RIC8B: variants seen among roughly 807,000 people sequenced by gnomAD.
The protein encoded by RIC8B is RIC8 guanine nucleotide exchange factor B, also known as chaperone Ric-8B.
Under a neutral mutation model 57.5 loss-of-function variants are expected in RIC8B, and 16 were observed. The ratio of observed to expected loss-of-function variants is 0.28; its 90% CI spans 0.19 to 0.42. RIC8B has a LOEUF of 0.42. RIC8B is among the 10% of genes least tolerant of loss of function. The probability of loss-of-function intolerance (pLI) is 1.00; values close to 1 mark genes in which losing one functional copy is unlikely to be tolerated. For synonymous variants in RIC8B, 216 were observed against 250.8 expected (o/e 0.86, Z 1.31); for missense variants, 481 against 677.0 (o/e 0.71, Z 3.21).
chr12:106,858,196 T>C (rs553599527), intron 7 of RIC8B, among the ~76,000 whole-genome samples: 156 of 152,336 alleles, frequency 1.0e-3, no homozygotes, highest in Non-Finnish European at 1.5e-3. Flanking sequence ...TTGTGTCTTT[T>C]TAAATTATTG....
chr12:106,794,573 A>G (rs1046919514), intron 2 of RIC8B, among the ~76,000 whole-genome samples: 23 of 152,220 alleles, frequency 1.5e-4, no homozygotes, highest in Admixed American at 3.3e-4. Context: ...GGGAAGGTCA[A>G]TAAGATTCAC....
At chr12:106,875,946 GT>G (rs958190905) in intron 9 of RIC8B, among the ~76,000 whole-genome samples, 1 of 149,844 alleles carries the variant, frequency 6.7e-6, no homozygotes, top group Admixed American at 6.7e-5. Flanking sequence ...CAAATACATA[GT>G]TTTTTCTTAA....
At chr12:106,885,825 G>A in intron 9 of RIC8B, 79 bp from the exon 10 acceptor site, 1 of 864,270 alleles carries the variant, frequency 1.2e-6, no homozygotes. Context: ...AAAAGGTTGT[G>A]GATTTGGGTG....
chr12:106,839,682 G>C (rs575541655), intron 4 of RIC8B, among the ~76,000 whole-genome samples: 1 of 152,184 alleles, frequency 6.6e-6, no homozygotes, highest in Non-Finnish European at 1.5e-5. Flanking sequence ...TAGGTCTTAC[G>C]TTAAGTGCTC....
rs1407323645 is a variant in RIC8B at position 106,887,712 on chromosome 12, CTAGA to C, written c.*1701_*1704del. The C allele has an allele frequency of 3.3e-5, 5 of 152,184 alleles. No individual in the cohort carries two copies. The East Asian group carries it at 7.7e-4, about 23-fold the overall frequency. 9.4% of individuals were successfully genotyped at this position (152,184 alleles called of 1,614,324 possible). A position where few individuals can be genotyped will look rare whatever the true frequency, so the allele number is the denominator to read the frequency against. On this transcript the variant is annotated 3_prime_UTR_variant, in exon 10 of 10. Transcript: ENST00000392837. The stretch of plus-strand genomic sequence containing the variant: ...AAAGAAGAAAAAGGCCAACTGAAAA[CTAGA>C]TAGTGAGATGAGAAGAATAAAACTT...
intron 3 of RIC8B, among the ~76,000 whole-genome samples, chr12:106,823,707 G>A (rs1220223566): frequency 2.7e-5 from 4 of 147,938 alleles, no homozygotes; most frequent in African/African-American, 1.0e-4. Flanking sequence ...TTTTTGAGAC[G>A]GAGTTTAGCT....
intron 7 of RIC8B, among the ~76,000 whole-genome samples, chr12:106,853,240 C>A (rs892151110): frequency 6.6e-6 from 1 of 151,566 alleles, no homozygotes. Context: ...TAAATAATTT[C>A]TAAATGTAAT....
chr12:106,851,569 C>A lies in RIC8B; in HGVS notation c.1281C>A (p.Phe427Leu). 1 of 1,612,480 alleles carries A rather than the reference C, an allele frequency of 6.2e-7. No individual in the cohort carries two copies. The highest frequency in any genetic ancestry group is 8.5e-7 in the Non-Finnish European group (1 of 1,179,860). Residue 427 changes from phenylalanine to leucine, a missense_variant, in exon 7 of 10, where the codon TTC (phenylalanine) becomes TTA (leucine). By Grantham distance (22) the Phe-to-Leu change is conservative. Coordinates refer to ENST00000392837, the MANE Select transcript of RIC8B (RefSeq NM_001330145.2). ...DLGVKQIAAE[F>L]LFVLCKERVD... Reference sequence around the variant, plus strand: ...GAGTCAAGCAAATTGCTGCTGAATTCCTTTTTGTCCTTTGCAAAGAGAGAG... The same window carrying A: ...GAGTCAAGCAAATTGCTGCTGAATTACTTTTTGTCCTTTGCAAAGAGAGAG...
intron 3 of RIC8B, among the ~76,000 whole-genome samples, chr12:106,815,792 G>T (rs772597643): frequency 1.1e-4 from 16 of 152,176 alleles, no homozygotes; most frequent in Non-Finnish European, 1.5e-4. Context: ...TCTCTGGGAG[G>T]TTTCTCTGTA....
At chr12:106,782,702 C>G (rs1000023082) in intron 1 of RIC8B, among the ~76,000 whole-genome samples, 4 of 152,200 alleles carry the variant, frequency 2.6e-5, no homozygotes, top group Non-Finnish European at 5.9e-5. Flanking sequence ...TCCCTCTGAT[C>G]ATTTCTTACA....
chr12:106,776,526 T>G (rs2043496581), intron 1 of RIC8B, among the ~76,000 whole-genome samples: 1 of 152,206 alleles, frequency 6.6e-6, no homozygotes, highest in Non-Finnish European at 1.5e-5. Flanking sequence ...AGGAAAAACC[T>G]TCAACTGGAT....
At chr12:106,844,755 A>C (rs1340189851) in intron 6 of RIC8B, among the ~76,000 whole-genome samples, 2 of 152,238 alleles carry the variant, frequency 1.3e-5, no homozygotes, top group Non-Finnish European at 2.9e-5. Context: ...TAGAGTTCAT[A>C]CTTGGGGATA....
At chr12:106,838,777 T>C (rs1370037305) in intron 4 of RIC8B, among the ~76,000 whole-genome samples, 2 of 151,850 alleles carry the variant, frequency 1.3e-5, no homozygotes, top group Non-Finnish European at 2.9e-5. Flanking sequence ...TTTCAATCCA[T>C]ATACCTCAAG....
intron 8 of RIC8B, among the ~76,000 whole-genome samples, chr12:106,860,989 C>A (rs1255915953): frequency 1.5e-5 from 2 of 136,130 alleles, no homozygotes; most frequent in African/African-American, 5.9e-5. Flanking sequence ...TCTGTGAAGT[C>A]TTCTCTGAGT....
intron 8 of RIC8B, among the ~76,000 whole-genome samples, chr12:106,864,280 C>T (rs1172891502): frequency 6.6e-6 from 1 of 152,198 alleles, no homozygotes; most frequent in East Asian, 1.9e-4. Context: ...ATGAAGATTA[C>T]ACATGCATCT....
At chr12:106,856,156 C>T (rs1197002391) in intron 7 of RIC8B, among the ~76,000 whole-genome samples, 1 of 152,142 alleles carries the variant, frequency 6.6e-6, no homozygotes, top group Admixed American at 6.5e-5. Context: ...CATCTTAGTG[C>T]AGACCCTTAA....
At chr12:106,853,430 C>T (rs536928734) in intron 7 of RIC8B, among the ~76,000 whole-genome samples, 1 of 132,214 alleles carries the variant, frequency 7.6e-6, no homozygotes, top group Admixed American at 7.8e-5. Context: ...TTTAATTTGA[C>T]CTCAACAATT....
chr12:106,816,952 G>T (rs918780898), intron 3 of RIC8B, among the ~76,000 whole-genome samples: 3 of 152,160 alleles, frequency 2.0e-5, no homozygotes, highest in African/African-American at 7.2e-5. Context: ...CCTAGTACCT[G>T]TTGTGAGTCA....
At chr12:106,848,167 A>G (rs955401630) in intron 6 of RIC8B, among the ~76,000 whole-genome samples, 4 of 152,212 alleles carry the variant, frequency 2.6e-5, no homozygotes, top group African/African-American at 9.6e-5. Context: ...AGAGCCATGC[A>G]AGTTTCTAGA....
Sources: allele counts gnomAD v4.1 joint callset (sites outside exome capture counted in the v4.1 genomes callset), GRCh38; gene constraint gnomAD v4.1.1; transcripts MANE v1.5; gene names NCBI Gene and HGNC (gene_info 2026-07-23, HGNC 2026-07-21).